Variants in MGAT4C observed in about 807,000 individuals in gnomAD.
MGAT4C encodes alpha-1,3-mannosyl-glycoprotein 4-beta-N-acetylglucosaminyltransferase C.
Under a neutral mutation model 40.1 loss-of-function variants are expected in MGAT4C, and 19 were observed. That is an observed-to-expected ratio of 0.47 (90% CI 0.33 to 0.70). The LOEUF (loss-of-function observed/expected upper bound fraction) is 0.70, where lower values mean the gene tolerates loss of function less well. MGAT4C is among the 30% of genes least tolerant of loss of function. The pLI is 0.02. For missense variants in MGAT4C, 491 were observed against 563.2 expected, an observed-to-expected ratio of 0.87 and a Z score of 1.30; for synonymous variants, 181 against 187.1, an observed-to-expected ratio of 0.97 and a Z score of 0.27.
chr12:86,570,822 T>C (rs1000828682), intron 2 of MGAT4C, among the ~76,000 whole-genome samples: 1 of 152,146 alleles, frequency 6.6e-6, no homozygotes, highest in Admixed American at 6.6e-5. Context: ...TAAATTTATT[T>C]ATTTATTCAG....
intron 3 of MGAT4C, among the ~76,000 whole-genome samples, chr12:86,414,764 G>A (rs967356870): frequency 6.6e-5 from 10 of 152,202 alleles, no homozygotes; most frequent in Admixed American, 2.0e-4. Context: ...ATTTTGAACC[G>A]AATGGGAAGA....
chr12:86,072,322 T>C (rs2137039809), intron 1 of MGAT4C, among the ~76,000 whole-genome samples: 1 of 152,222 alleles, frequency 6.6e-6, no homozygotes, highest in Non-Finnish European at 1.5e-5. Flanking sequence ...TTCCTAAATT[T>C]TTTTTGTTAG....
At chr12:86,671,507 A>T (rs1400259354) in intron 2 of MGAT4C, among the ~76,000 whole-genome samples, 1 of 152,204 alleles carries the variant, frequency 6.6e-6, no homozygotes, top group Non-Finnish European at 1.5e-5. Context: ...TGATTTCAAG[A>T]TAACACAGAG....
intron 2 of MGAT4C, among the ~76,000 whole-genome samples, chr12:86,466,568 G>C (rs1307912646): frequency 1.3e-5 from 2 of 152,144 alleles, no homozygotes; most frequent in Non-Finnish European, 2.9e-5. Flanking sequence ...AGAACACAGA[G>C]GAGTTTTAAG....
chr12:86,744,204 A>C (rs1218566769), intron 1 of MGAT4C, among the ~76,000 whole-genome samples: 3 of 151,682 alleles, frequency 2.0e-5, no homozygotes, highest in East Asian at 3.9e-4. Flanking sequence ...ATGGCCAGTT[A>C]GGGAGACAAC....
chr12:86,123,984 CCCAAATGATTCTACGACT>C (rs1189096410), intron 1 of MGAT4C, among the ~76,000 whole-genome samples: 1 of 151,632 alleles, frequency 6.6e-6, no homozygotes, highest in Non-Finnish European at 1.5e-5. Context: ...TTAATCATTC[CCCAAATGATTCTACGACT>C]CCACCGATAG....
chr12:86,765,778 T>C (rs941501363), intron 1 of MGAT4C, among the ~76,000 whole-genome samples: 3 of 151,920 alleles, frequency 2.0e-5, no homozygotes, highest in African/African-American at 7.3e-5. Flanking sequence ...GCTTCATAAG[T>C]GAAGGAGAAA....
intron 1 of MGAT4C, among the ~76,000 whole-genome samples, chr12:86,203,345 A>G (rs1309975371): frequency 6.6e-6 from 1 of 152,004 alleles, no homozygotes; most frequent in Non-Finnish European, 1.5e-5. Context: ...GTACTGTATG[A>G]CCTCTTATAG....
chr12:86,412,122 G>T (rs542190196), intron 3 of MGAT4C, among the ~76,000 whole-genome samples: 6 of 152,336 alleles, frequency 3.9e-5, no homozygotes, highest in South Asian at 2.1e-4. Flanking sequence ...GAAGCTTGTA[G>T]CAGGGTTGTA....
At chr12:86,493,067 G>C (rs10776980) in intron 2 of MGAT4C, among the ~76,000 whole-genome samples, 101,206 of 149,670 alleles carry the variant, frequency 0.68, 35,455 homozygotes, top group South Asian at 0.79. Flanking sequence ...CACTGGCCAT[G>C]AGAGAAATGC....
At chr12:86,159,052 A>G (rs1421405486) in intron 1 of MGAT4C, among the ~76,000 whole-genome samples, 1 of 152,180 alleles carries the variant, frequency 6.6e-6, no homozygotes. Flanking sequence ...TGCTCTGGCT[A>G]GGACTTCCAG....
chr12:86,055,950 A>G (rs1893344720), intron 1 of MGAT4C, among the ~76,000 whole-genome samples: 1 of 152,080 alleles, frequency 6.6e-6, no homozygotes, highest in Non-Finnish European at 1.5e-5. Flanking sequence ...TGGAGCATAT[A>G]TTCATTTTCA....
intron 1 of MGAT4C, among the ~76,000 whole-genome samples, chr12:86,074,459 T>C (rs1479439566): frequency 1.3e-5 from 2 of 152,008 alleles, no homozygotes; most frequent in Non-Finnish European, 2.9e-5. Flanking sequence ...GCATTTGGAG[T>C]TTGCATTTTG....
At chr12:86,817,998 T>C (rs947172592) in intron 1 of MGAT4C, among the ~76,000 whole-genome samples, 10 of 151,404 alleles carry the variant, frequency 6.6e-5, no homozygotes, top group Non-Finnish European at 1.2e-4. Flanking sequence ...TGAAGAACTA[T>C]AAACCTAGTA....
intron 2 of MGAT4C, among the ~76,000 whole-genome samples, chr12:86,600,865 A>C (rs949616190): frequency 6.6e-6 from 1 of 152,170 alleles, no homozygotes; most frequent in Admixed American, 6.5e-5. Flanking sequence ...CCCCGCCTCC[A>C]CAGGCTCAGA....
intron 2 of MGAT4C, among the ~76,000 whole-genome samples, chr12:86,707,035 A>G (rs955045143): frequency 1.3e-5 from 2 of 152,222 alleles, no homozygotes; most frequent in Non-Finnish European, 2.9e-5. Flanking sequence ...GCCTTCTGCC[A>G]TGATGGTGGG....
intron 1 of MGAT4C, among the ~76,000 whole-genome samples, chr12:86,732,546 C>T (rs770983279): frequency 2.0e-5 from 3 of 152,110 alleles, no homozygotes; most frequent in South Asian, 2.1e-4. Flanking sequence ...TCTCATAAGG[C>T]GTGTGCAACC....
At chr12:86,833,489 G>A (rs1034289415) in intron 1 of MGAT4C, among the ~76,000 whole-genome samples, 1 of 151,756 alleles carries the variant, frequency 6.6e-6, no homozygotes, top group African/African-American at 2.4e-5. Context: ...ATGCTTCTGA[G>A]GCCTCACTTC....
At chr12:86,271,089 T>C (rs1952934527) in intron 4 of MGAT4C, among the ~76,000 whole-genome samples, 1 of 152,198 alleles carries the variant, frequency 6.6e-6, no homozygotes, top group South Asian at 2.1e-4. Flanking sequence ...GGAAAAAGTA[T>C]TTTGGACATT....
Sources: allele counts gnomAD v4.1 joint callset (sites outside exome capture counted in the v4.1 genomes callset), GRCh38; gene constraint gnomAD v4.1.1; transcripts MANE v1.5; gene names NCBI Gene and HGNC (gene_info 2026-07-23, HGNC 2026-07-21).